CCDC91: variants seen among roughly 807,000 people sequenced by gnomAD.
CCDC91 encodes coiled-coil domain-containing protein 91.
In CCDC91, 48 loss-of-function variants were observed where a neutral mutation model predicts 63.2. The ratio of observed to expected loss-of-function variants is 0.76; its 90% CI spans 0.60 to 0.97. CCDC91 has a LOEUF of 0.97. Ranked by LOEUF, CCDC91 falls within the 50% of genes least tolerant of loss-of-function variation. The probability of loss-of-function intolerance (pLI) is 0.00; values close to 1 mark genes in which losing one functional copy is unlikely to be tolerated. For synonymous variants in CCDC91, 167 were observed against 165.8 expected, an observed-to-expected ratio of 1.01 and a Z score of -0.06; for missense variants, 500 against 494.6, an observed-to-expected ratio of 1.01 and a Z score of -0.10.
At chr12:28,415,901 A>G (rs1435212062) in intron 8 of CCDC91, among the ~76,000 whole-genome samples, 1 of 152,050 alleles carries the variant, frequency 6.6e-6, no homozygotes, top group Non-Finnish European at 1.5e-5. Flanking sequence ...TCTTGATATC[A>G]TTCAGTACCA....
intron 8 of CCDC91, among the ~76,000 whole-genome samples, chr12:28,422,772 C>T (rs1217427974): frequency 5.3e-5 from 8 of 151,968 alleles, no homozygotes; most frequent in Admixed American, 1.3e-4. Context: ...TTAATGTATT[C>T]TTTGAGAGAG....
chr12:28,531,007 C>T (rs1941687322), intron 12 of CCDC91, among the ~76,000 whole-genome samples: 1 of 152,052 alleles, frequency 6.6e-6, no homozygotes, highest in Non-Finnish European at 1.5e-5. Context: ...AAACATAAGC[C>T]AAGAAATTTC....
At chr12:28,327,741 T>A (rs1941145803) in intron 6 of CCDC91, among the ~76,000 whole-genome samples, 1 of 152,158 alleles carries the variant, frequency 6.6e-6, no homozygotes, top group African/African-American at 2.4e-5. Context: ...ACGACGCCAC[T>A]TCAGTAGTGA....
intron 8 of CCDC91, among the ~76,000 whole-genome samples, chr12:28,435,353 GT>G (rs1015357345): frequency 6.6e-6 from 1 of 151,322 alleles, no homozygotes; most frequent in Non-Finnish European, 1.5e-5. Context: ...CTTGAGACAT[GT>G]TTTTTATCCC....
chr12:28,477,142 T>A (rs61920659), intron 11 of CCDC91, among the ~76,000 whole-genome samples: 31,742 of 151,854 alleles, frequency 0.21, 4,347 homozygotes, highest in Non-Finnish European at 0.31. Flanking sequence ...TCATCCTCAT[T>A]CCAAAGCCTG....
intron 8 of CCDC91, among the ~76,000 whole-genome samples, chr12:28,425,035 A>C (rs2139981016): frequency 6.6e-6 from 1 of 152,256 alleles, no homozygotes; most frequent in Middle Eastern, 3.4e-3. Context: ...GATCCTGGTT[A>C]AAAACCTATT....
chr12:28,489,946 T>C (rs1951910908), intron 12 of CCDC91, among the ~76,000 whole-genome samples: 1 of 151,940 alleles, frequency 6.6e-6, no homozygotes, highest in Non-Finnish European at 1.5e-5. Context: ...CTTAGAAATA[T>C]AGAAGTTTGA....
intron 8 of CCDC91, among the ~76,000 whole-genome samples, chr12:28,421,166 A>T (rs1947983216): frequency 1.3e-5 from 2 of 152,184 alleles, no homozygotes; most frequent in Admixed American, 1.3e-4. Flanking sequence ...CAATACAAGA[A>T]GATGATCATG....
intron 7 of CCDC91, among the ~76,000 whole-genome samples, chr12:28,365,344 G>A (rs183677424): frequency 5.3e-5 from 8 of 152,194 alleles, no homozygotes; most frequent in East Asian, 3.9e-4. Context: ...CGTTTGCAGC[G>A]AAGAAAATAT....
At chr12:28,347,533 A>T (rs1393474906) in intron 6 of CCDC91, among the ~76,000 whole-genome samples, 2 of 152,304 alleles carry the variant, frequency 1.3e-5, no homozygotes, top group Admixed American at 1.3e-4. Flanking sequence ...ACAGTTACTT[A>T]GGTACAATAC....
At chr12:28,233,356 A>G (rs1007951876) in intron 1 of CCDC91, among the ~76,000 whole-genome samples, 1 of 152,074 alleles carries the variant, frequency 6.6e-6, no homozygotes, top group Non-Finnish European at 1.5e-5. Context: ...TGTATTCTCT[A>G]TTACTGGCTT....
At chr12:28,400,438 T>C (rs1036748369) in intron 8 of CCDC91, among the ~76,000 whole-genome samples, 1 of 147,548 alleles carries the variant, frequency 6.8e-6, no homozygotes, top group African/African-American at 2.5e-5. Context: ...TGTGAAGACC[T>C]CTGACATGCC....
At chr12:28,484,864 A>G (rs1293041066) in intron 12 of CCDC91, among the ~76,000 whole-genome samples, 2 of 150,160 alleles carry the variant, frequency 1.3e-5, no homozygotes, top group East Asian at 3.9e-4. Context: ...AAAATATATA[A>G]TAAAATTTTT....
intron 7 of CCDC91, among the ~76,000 whole-genome samples, chr12:28,382,842 A>G (rs1361107346): frequency 3.3e-5 from 5 of 152,086 alleles, no homozygotes; most frequent in South Asian, 4.1e-4. Flanking sequence ...ATGATTATGA[A>G]GAGGTTATTT....
At chr12:28,328,703 T>C (rs998142117) in intron 6 of CCDC91, among the ~76,000 whole-genome samples, 5 of 152,206 alleles carry the variant, frequency 3.3e-5, no homozygotes, top group African/African-American at 7.2e-5. Context: ...TTGTTCATTT[T>C]ATGAGAGAGG....
intron 6 of CCDC91, among the ~76,000 whole-genome samples, chr12:28,331,001 G>A (rs192832569): frequency 6.6e-6 from 1 of 152,160 alleles, no homozygotes; most frequent in East Asian, 1.9e-4. Flanking sequence ...TTTTGGATTT[G>A]TTTCATTTCA....
intron 12 of CCDC91, among the ~76,000 whole-genome samples, chr12:28,485,163 T>G (rs1248203568): frequency 6.6e-6 from 1 of 150,784 alleles, no homozygotes; most frequent in Admixed American, 6.6e-5. Flanking sequence ...TACTTTTTTT[T>G]TTTGTTTTTT....
intron 11 of CCDC91, among the ~76,000 whole-genome samples, chr12:28,470,223 A>C (rs1950746585): frequency 1.3e-5 from 2 of 152,292 alleles, no homozygotes; most frequent in South Asian, 4.1e-4. Context: ...TAAGGAGTTC[A>C]AACAACCCTA....
intron 1 of CCDC91, among the ~76,000 whole-genome samples, chr12:28,229,231 G>T (rs1944447680): frequency 6.6e-6 from 1 of 151,350 alleles, no homozygotes; most frequent in Non-Finnish European, 1.5e-5. Context: ...CTTTCAGACT[G>T]GCTTCTTTCT....
Sources: allele counts gnomAD v4.1 joint callset (sites outside exome capture counted in the v4.1 genomes callset), GRCh38; gene constraint gnomAD v4.1.1; transcripts MANE v1.5; gene names NCBI Gene and HGNC (gene_info 2026-07-23, HGNC 2026-07-21).